Variants in FMNL2 observed in about 807,000 individuals in gnomAD.
FMNL2 encodes formin-like protein 2.
Under a neutral mutation model 130.2 loss-of-function variants are expected in FMNL2, and 51 were observed. That is an observed-to-expected ratio of 0.39 (90% CI 0.31 to 0.49). The LOEUF (loss-of-function observed/expected upper bound fraction) is 0.49. Ranked by LOEUF, FMNL2 falls within the 20% of genes least tolerant of loss-of-function variation. FMNL2 has a pLI of 0.85. For synonymous variants in FMNL2, 465 were observed against 467.1 expected, an observed-to-expected ratio of 1.00 and a Z score of 0.06; for missense variants, 977 against 1,316.2, an observed-to-expected ratio of 0.74 and a Z score of 3.99.
At chr2:152,598,677 G>A (rs1697888427) in intron 9 of FMNL2, among the ~76,000 whole-genome samples, 2 of 152,170 alleles carry the variant, frequency 1.3e-5, no homozygotes, top group African/African-American at 4.8e-5. Flanking sequence ...GTGACAGAGC[G>A]AGACTCTGTC....
intron 6 of FMNL2, among the ~76,000 whole-genome samples, chr2:152,566,230 C>T (rs144049695): frequency 3.9e-4 from 59 of 152,216 alleles, no homozygotes; most frequent in African/African-American, 1.3e-3. Flanking sequence ...CCATTCCTGG[C>T]GATGGTTTTC....
At chr2:152,615,059 T>C in intron 12 of FMNL2, 59 bp downstream of exon 12, 1 of 1,569,752 alleles carries the variant, frequency 6.4e-7, no homozygotes, top group Non-Finnish European at 8.7e-7. Flanking sequence ...CAAAGCAGAA[T>C]TAATGTCAGC....
intron 25 of FMNL2, chr2:152,645,414 TTTTG>T (rs754969547): frequency 2.4e-6 from 3 of 1,262,418 alleles, no homozygotes; most frequent in South Asian, 1.3e-5. Flanking sequence ...CATTTTGTGT[TTTTG>T]TTTTTTTCTG....
intron 1 of FMNL2, among the ~76,000 whole-genome samples, chr2:152,464,977 A>G (rs1689446028): frequency 6.6e-6 from 1 of 152,138 alleles, no homozygotes; most frequent in Non-Finnish European, 1.5e-5. Flanking sequence ...GAGATGTACA[A>G]AGGTTTAAAA....
chr2:152,343,979 C>A (rs1313263045), intron 1 of FMNL2, among the ~76,000 whole-genome samples: 2 of 152,004 alleles, frequency 1.3e-5, no homozygotes, highest in Admixed American at 6.6e-5. Flanking sequence ...CATAGGGAGA[C>A]CTCATTTCTA....
intron 1 of FMNL2, among the ~76,000 whole-genome samples, chr2:152,426,596 C>T (rs1183076181): frequency 6.6e-6 from 1 of 152,066 alleles, no homozygotes; most frequent in Non-Finnish European, 1.5e-5. Flanking sequence ...CACAGTGGTT[C>T]GACTTCATTA....
At chr2:152,556,890 G>A (rs574281673) in intron 4 of FMNL2, among the ~76,000 whole-genome samples, 122 of 148,232 alleles carry the variant, frequency 8.2e-4, no homozygotes, top group Non-Finnish European at 1.5e-3. Flanking sequence ...CCCTCCCCCC[G>A]CCGTGATTAT....
chr2:152,440,479 G>T (rs1687995165), intron 1 of FMNL2, among the ~76,000 whole-genome samples: 1 of 152,212 alleles, frequency 6.6e-6, no homozygotes, highest in African/African-American at 2.4e-5. Context: ...TGGCCCGCTT[G>T]ACTGTGTTTA....
intron 1 of FMNL2, among the ~76,000 whole-genome samples, chr2:152,393,012 C>T (rs1685201618): frequency 6.6e-6 from 1 of 152,102 alleles, no homozygotes; most frequent in African/African-American, 2.4e-5. Flanking sequence ...TTCAGGCCTC[C>T]AGCAGGTTAC....
intron 25 of FMNL2, among the ~76,000 whole-genome samples, chr2:152,642,121 T>C (rs756037667): frequency 1.3e-5 from 2 of 152,238 alleles, no homozygotes; most frequent in African/African-American, 2.4e-5. Context: ...TTTGTATTTG[T>C]AGTAGAGATG....
rs377734612 is a variant in FMNL2 at position 152,528,939 on chromosome 2, T to C, written c.201+6913T>C. On this transcript the variant is annotated intron_variant, in intron 2 of 25. Transcript: ENST00000288670. The stretch of plus-strand genomic sequence containing the variant: ...AACATGCAAATGCACACCTGGGAAG[T>C]CTGTGGGCCAGGCCTGGAATTGGCA... Among the ~76,000 whole-genome samples, 138 of 152,268 alleles carry C rather than the reference T, an allele frequency of 9.1e-4. 3 individuals carry two copies. In the South Asian group the frequency reaches 0.027, roughly 29 times the overall value.
chr2:152,611,868 C>G (rs949736694), intron 11 of FMNL2, among the ~76,000 whole-genome samples: 4 of 152,196 alleles, frequency 2.6e-5, no homozygotes, highest in African/African-American at 9.7e-5. Context: ...CTTGCTGCAG[C>G]TTTCCTCTCC....
chr2:152,611,203 G>A (rs1263663240), intron 10 of FMNL2, among the ~76,000 whole-genome samples: 1 of 152,124 alleles, frequency 6.6e-6, no homozygotes, highest in East Asian at 1.9e-4. Flanking sequence ...GCTGGGCGTG[G>A]TGGCACCTGC....
rs1226026600 is a variant in FMNL2 at position 152,450,716 on chromosome 2, C to T, written c.118-71227C>T. ...AAGTCAGCCCCATGTGGCATCTCCT[C>T]CTGCTGTCTGACCTCCCATCGCAGT... On this transcript the variant is annotated intron_variant, in intron 1 of 25. Transcript: ENST00000288670. 3.3e-5 allele frequency among the ~76,000 whole-genome samples: 5 copies of T among 152,206 alleles called. No homozygotes were observed. The South Asian group carries it at 6.2e-4, about 19-fold the overall frequency.
intron 3 of FMNL2, 89 bp downstream of exon 3, chr2:152,542,908 C>T (rs918527519): frequency 1.0e-4 from 146 of 1,394,176 alleles, no homozygotes; most frequent in Non-Finnish European, 1.5e-4. Flanking sequence ...CCTTCCTCTG[C>T]ATTAGAGCCT....
rs1026984682 is a variant in FMNL2, at chr2:152,638,476, G to A, written c.2946+802G>A. Among the ~76,000 whole-genome samples, 4 of 152,192 alleles carry A rather than the reference G, an allele frequency of 2.6e-5. No individual in the cohort carries two copies. In the East Asian group the frequency reaches 7.7e-4, roughly 29 times the overall value. On this transcript the variant is annotated intron_variant, in intron 23 of 25. Transcript: ENST00000288670. Reference sequence around the variant, plus strand: ...CTCCACACTTTTGAGAAGTCCTGTTGGAAATAGGGGGACACTTCCCTAACA... The same window carrying A: ...CTCCACACTTTTGAGAAGTCCTGTTAGAAATAGGGGGACACTTCCCTAACA...
At chr2:152,506,475 A>G (rs1373330226) in intron 1 of FMNL2, among the ~76,000 whole-genome samples, 1 of 152,236 alleles carries the variant, frequency 6.6e-6, no homozygotes, top group Non-Finnish European at 1.5e-5. Context: ...GTTATACTAT[A>G]TTGTTTAGCG....
chr2:152,381,691 A>G (rs1421004973), intron 1 of FMNL2, among the ~76,000 whole-genome samples: 1 of 152,228 alleles, frequency 6.6e-6, no homozygotes, highest in Non-Finnish European at 1.5e-5. Context: ...CTGCTGTACT[A>G]AACGCAGTTG....
chr2:152,442,150 TTAACCTCCTCAGCGTCACC>T (rs1688082843), intron 1 of FMNL2, among the ~76,000 whole-genome samples: 1 of 152,144 alleles, frequency 6.6e-6, no homozygotes, highest in Non-Finnish European at 1.5e-5. Context: ...TCTCAGGTAG[TTAACCTCCTCAGCGTCACC>T]TACTGGTCCT....
Sources: gnomAD v4.1 joint callset for allele counts (sites outside exome capture counted in the v4.1 genomes callset) on GRCh38, gnomAD v4.1.1 for gene constraint, MANE v1.5 for transcripts, NCBI Gene and HGNC (gene_info 2026-07-23, HGNC 2026-07-21) for gene names.